CBR3: variants seen among roughly 807,000 people sequenced by gnomAD.
The protein encoded by CBR3 is carbonyl reductase 3, also known as carbonyl reductase [NADPH] 3.
In CBR3, 14 loss-of-function variants were observed where a neutral mutation model predicts 11.6. The observed-to-expected ratio is 1.20, with a 90% CI of 0.79 to 1.88. The LOEUF (loss-of-function observed/expected upper bound fraction) is 1.88. Among genes scored for constraint, CBR3 ranks in the 40% most tolerant of loss-of-function variants. CBR3 has a pLI of 0.00. For synonymous variants in CBR3, 125 were observed against 145.6 expected (o/e 0.86, Z 1.02); for missense variants, 308 against 357.3 (o/e 0.86, Z 1.11).
intron 2 of CBR3, chr21:36,138,946 T>G (rs2065686077): frequency 6.6e-6 from 1 of 152,102 alleles, no homozygotes; most frequent in African/African-American, 2.4e-5. Flanking sequence ...GATTTCACTA[T>G]GTTGGCCAGG....
intron 1 of CBR3, chr21:36,137,094 CTTTAAG>C (rs1437681110): frequency 2.0e-5 from 3 of 150,524 alleles, no homozygotes; most frequent in African/African-American, 7.4e-5. Context: ...TCCTACGCAC[CTTTAAG>C]TTTAAGAAGT....
chr21:36,135,881 C>A (rs2065656552), intron 1 of CBR3, among the ~76,000 whole-genome samples: 3 of 152,350 alleles, frequency 2.0e-5, no homozygotes, highest in South Asian at 2.1e-4. Flanking sequence ...CTTTCGCTTT[C>A]CTTGAAAGGG....
At position 36,146,276 on chromosome 21, in the gene CBR3, G is replaced by A; in HGVS notation, c.598G>A (p.Gly200Arg). The A allele has an allele frequency of 6.2e-7, 1 of 1,614,184 alleles. No homozygotes were observed. Among genetic ancestry groups the A allele is most frequent in the Non-Finnish European group, 8.5e-7 (1 of 1,180,046 alleles). The change falls in exon 3 of 3, where the codon GGG (glycine) becomes AGG (arginine). Residue 200 changes from glycine to arginine, a missense_variant. Physicochemically the swap from Gly to Arg is moderately radical, Grantham distance 125. Coordinates refer to ENST00000290354, the MANE Select transcript of CBR3 (RefSeq NM_001236.4). ...PNSPYGVSKL[G>R]VTVLSRILAR... is the part of the protein sequence containing the mutation. Reference sequence around the variant, plus strand: ...CTCACCTTATGGGGTGTCCAAGTTGGGGGTCACGGTCTTATCGAGGATCCT... The same window carrying A: ...CTCACCTTATGGGGTGTCCAAGTTGAGGGTCACGGTCTTATCGAGGATCCT...
Position 36,146,498 on chromosome 21 carries a change from G to A in CBR3, c.820G>A (p.Val274Met), listed in dbSNP as rs1317275693. Residue 274 changes from valine (V) to methionine (M), a missense_variant, in exon 3 of 3, where the codon GTG (valine) becomes ATG (methionine). Val to Met is a conservative substitution (Grantham distance 21). Coordinates refer to ENST00000290354, the MANE Select transcript of CBR3 (RefSeq NM_001236.4). Reference sequence around the variant, plus strand: ...AGGCCAGTTGGTCCATGACAAAGTTGTGCAAAACTGGTAAACGTCTGCTTC... The same window carrying A: ...AGGCCAGTTGGTCCATGACAAAGTTATGCAAAACTGGTAAACGTCTGCTTC... ...PQGQLVHDKV[V>M]QNW 6.9e-6 allele frequency: 11 copies of A among 1,595,472 alleles called. No individual in the cohort carries two copies. The highest frequency in any genetic ancestry group is 1.1e-5 in the South Asian group (1 of 89,308).
chr21:36,142,257 C>G (rs2065715309), intron 2 of CBR3, among the ~76,000 whole-genome samples: 1 of 151,648 alleles, frequency 6.6e-6, no homozygotes, highest in Admixed American at 6.6e-5. Flanking sequence ...ACGGTGAAAC[C>G]CCGTCTCTAC....
chr21:36,146,057 A>C lies in CBR3; in HGVS notation c.398-19A>C. 2 of 1,557,846 alleles carry C rather than the reference A, an allele frequency of 1.3e-6. No individual in the cohort carries two copies. The highest frequency in any genetic ancestry group is 1.8e-6 in the Non-Finnish European group (2 of 1,132,570). ...GTACCTCTGTGATATGCTTTCATATATTTATCATTCTGTTTCAGGGAGAGT... is the reference window on the plus strand; with the variant it reads ...GTACCTCTGTGATATGCTTTCATATCTTTATCATTCTGTTTCAGGGAGAGT... On this transcript the variant is annotated intron_variant, in intron 2 of 2. Transcript: ENST00000290354.
Position 36,146,225 on chromosome 21 carries a change from G to C in CBR3, c.547G>C (p.Val183Leu), listed in dbSNP as rs146935243. 6.1e-4 allele frequency: 987 copies of C among 1,614,044 alleles called. No individual in the cohort carries two copies. Among genetic ancestry groups the C allele is most frequent in the Non-Finnish European group, 7.5e-4 (886 of 1,180,046 alleles). Residue 183 changes from valine (V) to leucine (L), a missense_variant, in exon 3 of 3, where the codon GTG becomes CTG. Transcript: ENST00000290354. The stretch of plus-strand genomic sequence containing the variant: ...GTTTGTGGAGGACACAAAAAATGAG[G>C]TGCATGAGAGGGAAGGCTGGCCCAA... Reference protein sequence around the residue: ...KKFVEDTKNEVHEREGWPNSP... With the variant: ...KKFVEDTKNELHEREGWPNSP...
At chr21:36,138,478 A>C (rs1015221280) in intron 2 of CBR3, 1 of 152,822 alleles carries the variant, frequency 6.5e-6, no homozygotes, top group Non-Finnish European at 1.5e-5. Context: ...GATAAGTGTG[A>C]CATATCACAA....
intron 2 of CBR3, among the ~76,000 whole-genome samples, chr21:36,142,993 T>C (rs529444363): frequency 6.6e-6 from 1 of 152,174 alleles, no homozygotes; most frequent in Non-Finnish European, 1.5e-5. Flanking sequence ...GGGAATGCCA[T>C]TCAGAAAATG....
intron 1 of CBR3, among the ~76,000 whole-genome samples, chr21:36,136,782 C>T (rs1392566566): frequency 2.0e-5 from 3 of 152,062 alleles, no homozygotes; most frequent in Admixed American, 6.5e-5. Flanking sequence ...AATCCCAGCA[C>T]TTTGGGAGGC....
chr21:36,143,792 A>C (rs562376039), intron 2 of CBR3, among the ~76,000 whole-genome samples: 53 of 150,426 alleles, frequency 3.5e-4, no homozygotes, highest in Admixed American at 8.0e-4. Flanking sequence ...AGACAGGAGG[A>C]TCACTTGAGT....
At chr21:36,138,141 T>G (rs2065677528) in intron 2 of CBR3, among the ~76,000 whole-genome samples, 2 of 152,156 alleles carry the variant, frequency 1.3e-5, no homozygotes, top group Non-Finnish European at 2.9e-5. Context: ...TAGTTTTGTT[T>G]TGTTTGGCAG....
At chr21:36,137,550 GGAAGGAA>G (rs2065670956) in intron 1 of CBR3, among the ~76,000 whole-genome samples, 1 of 104,976 alleles carries the variant, frequency 9.5e-6, no homozygotes, top group Admixed American at 9.7e-5. Flanking sequence ...AAGGAAGGAA[GGAAGGAA>G]GGAAAGAAAA....
chr21:36,136,121 G>A (rs1047215985), intron 1 of CBR3, among the ~76,000 whole-genome samples: 4 of 152,054 alleles, frequency 2.6e-5, no homozygotes, highest in Non-Finnish European at 1.5e-5. Context: ...TTAAGGAGAG[G>A]GGCGGGGATC....
intron 2 of CBR3, chr21:36,138,284 A>G (rs1370306250): frequency 5.7e-6 from 1 of 174,644 alleles, no homozygotes; most frequent in Non-Finnish European, 1.2e-5. Context: ...AGTAGCTGAG[A>G]TTACAGGCAC....
intron 2 of CBR3, among the ~76,000 whole-genome samples, chr21:36,142,768 C>T (rs45514897): frequency 1.5e-3 from 233 of 152,180 alleles, no homozygotes; most frequent in African/African-American, 5.1e-3. Flanking sequence ...GGGTATTTAT[C>T]GAACTATTCT....
chr21:36,136,204 G>A (rs1177806992), intron 1 of CBR3, among the ~76,000 whole-genome samples: 1 of 151,894 alleles, frequency 6.6e-6, no homozygotes, highest in African/African-American at 2.4e-5. Context: ...TGTAATGCCA[G>A]CACTTTGGGA....
rs373358624 is a variant in CBR3, at chr21:36,143,229, C to T, written c.398-2847C>T. Among the ~76,000 whole-genome samples the T allele has an allele frequency of 1.4e-4, 21 of 151,570 alleles. No homozygotes were observed. In the East Asian group the frequency reaches 3.9e-3, roughly 28 times the overall value. ...CTGAGGCAGGAGAATCACTTAAACCCGAGATAGAGGTTGCAGTGAGCTGAG... is the reference window on the plus strand; with the variant it reads ...CTGAGGCAGGAGAATCACTTAAACCTGAGATAGAGGTTGCAGTGAGCTGAG... On this transcript the variant is annotated intron_variant, in intron 2 of 2. Transcript: ENST00000290354.
intron 2 of CBR3, chr21:36,142,022 A>AATATTT: frequency 2.2e-6 from 1 of 448,566 alleles, no homozygotes; most frequent in Non-Finnish European, 2.9e-6. Context: ...GACTCTCCTC[A>AATATTT]TGAGAACAGA....
Sources: gnomAD v4.1 joint callset for allele counts (sites outside exome capture counted in the v4.1 genomes callset) on GRCh38, gnomAD v4.1.1 for gene constraint, MANE v1.5 for transcripts, NCBI Gene and HGNC (gene_info 2026-07-23, HGNC 2026-07-21) for gene names.